Variants in KCNQ3 observed in about 807,000 individuals in gnomAD.
KCNQ3 encodes the protein potassium voltage-gated channel subfamily KQT member 3.
Under a neutral mutation model 92.5 loss-of-function variants are expected in KCNQ3, and 30 were observed. The observed-to-expected ratio is 0.32, with a 90% CI of 0.24 to 0.44. The LOEUF (loss-of-function observed/expected upper bound fraction) is 0.44. Ranked by LOEUF, KCNQ3 falls within the 20% of genes least tolerant of loss-of-function variation. The pLI is 1.00. For missense variants in KCNQ3, 913 were observed against 1,140.3 expected (o/e 0.80, Z 2.87); for synonymous variants, 450 against 468.8 (o/e 0.96, Z 0.52).
intron 1 of KCNQ3, among the ~76,000 whole-genome samples, chr8:132,432,808 G>C (rs1327917286): frequency 2.0e-5 from 3 of 152,156 alleles, no homozygotes; most frequent in African/African-American, 4.8e-5. Flanking sequence ...CAGAATAAAA[G>C]CTTCACGAGG....
chr8:132,235,112 C>T (rs1372928188), intron 1 of KCNQ3, among the ~76,000 whole-genome samples: 1 of 152,202 alleles, frequency 6.6e-6, no homozygotes, highest in African/African-American at 2.4e-5. Context: ...CAGATCCCAC[C>T]ATTCTCCTTA....
In KCNQ3 at chr8:132,129,808, G is replaced by T. The variant is rs753262441; in HGVS notation, c.2073C>A (p.Gly691=). 2.7e-5 allele frequency: 44 copies of T among 1,614,044 alleles called. No individual in the cohort carries two copies. Among genetic ancestry groups the T allele is most frequent in the Non-Finnish European group, 3.6e-5 (43 of 1,180,030 alleles). Residue 691 remains glycine (G), a synonymous_variant, in exon 15 of 15, where the codon GGC becomes GGA. Transcript: ENST00000388996. The surrounding 1 kb of genome is among the most constrained non-coding windows in gnomAD (Gnocchi z 5.9). ...KTIICNYSET[G]PPEPPYSFHQ... ...GGAAGCTGTAGGGTGGTTCCGGGGG[G>T]CCTGTCTCAGAATAGTTGCAGATGA...
intron 1 of KCNQ3, among the ~76,000 whole-genome samples, chr8:132,346,442 G>T (rs1392276520): frequency 6.6e-6 from 1 of 152,176 alleles, no homozygotes. Flanking sequence ...CAAAGGTCGG[G>T]ATGACTCAGC....
chr8:132,443,007 T>C (rs1396420604), intron 1 of KCNQ3, among the ~76,000 whole-genome samples: 1 of 152,172 alleles, frequency 6.6e-6, no homozygotes, highest in African/African-American at 2.4e-5. Context: ...GCTCAGGCCA[T>C]AAATCCTCAT....
At position 132,124,724 on chromosome 8, in the gene KCNQ3, GA is replaced by G. The variant is rs1455067060; in HGVS notation, c.*4537del. 6.6e-6 allele frequency: 1 copy of G among 152,176 alleles called. No homozygotes were observed. The highest frequency in any genetic ancestry group is 1.5e-5 in the Non-Finnish European group (1 of 68,018). The allele number at this position is 152,176 out of a possible 1,614,324, so 9.4% of individuals were successfully genotyped here. On this transcript the variant is annotated 3_prime_UTR_variant, in exon 15 of 15. Transcript: ENST00000388996. ...AACTTAGACTTTAAAAGTTCATCCT[GA>G]AAAACAAGCCTTCAAGGACAAGTGA... is the stretch of plus-strand genomic sequence containing the variant.
intron 1 of KCNQ3, among the ~76,000 whole-genome samples, chr8:132,282,300 G>T (rs1816545249): frequency 6.6e-6 from 1 of 152,138 alleles, no homozygotes; most frequent in African/African-American, 2.4e-5. Flanking sequence ...TCTCAAGTAG[G>T]TTAAAAAGAG....
intron 1 of KCNQ3, among the ~76,000 whole-genome samples, chr8:132,287,662 G>T (rs1816715954): frequency 6.6e-6 from 1 of 152,172 alleles, no homozygotes; most frequent in South Asian, 2.1e-4. Context: ...GGATCATTAT[G>T]CTAAGTGACA....
At chr8:132,174,762 G>A (rs1395025963) in intron 5 of KCNQ3, among the ~76,000 whole-genome samples, 1 of 152,132 alleles carries the variant, frequency 6.6e-6, no homozygotes, top group Admixed American at 6.5e-5. Flanking sequence ...GTATATTCTT[G>A]TGTGTGTTTA....
intron 1 of KCNQ3, among the ~76,000 whole-genome samples, chr8:132,422,756 T>C (rs879566306): frequency 2.0e-5 from 3 of 152,222 alleles, no homozygotes; most frequent in Non-Finnish European, 2.9e-5. Context: ...TCCATTTACT[T>C]GTCTGTCTGC....
intron 9 of KCNQ3, among the ~76,000 whole-genome samples, chr8:132,158,985 G>A (rs1309479229): frequency 6.6e-6 from 1 of 152,132 alleles, no homozygotes; most frequent in East Asian, 1.9e-4. Flanking sequence ...AGATTGAATT[G>A]GTAGAAAATA....
chr8:132,360,159 C>A (rs1638670922), intron 1 of KCNQ3, among the ~76,000 whole-genome samples: 1 of 152,190 alleles, frequency 6.6e-6, no homozygotes, highest in Non-Finnish European at 1.5e-5. Context: ...CTTGCCACAG[C>A]CTGCAAATCT....
At chr8:132,262,001 C>A (rs1463493701) in intron 1 of KCNQ3, among the ~76,000 whole-genome samples, 1 of 152,092 alleles carries the variant, frequency 6.6e-6, no homozygotes, top group Non-Finnish European at 1.5e-5. Flanking sequence ...GTGGTATGTC[C>A]ATATGATGAA....
intron 1 of KCNQ3, among the ~76,000 whole-genome samples, chr8:132,186,907 CGT>C (rs145871547): frequency 0.055 from 6,110 of 110,776 alleles, 245 homozygotes; most frequent in Non-Finnish European, 0.072. Flanking sequence ...CTGTGAGGTG[CGT>C]GTGTGTGTGT....
At chr8:132,297,317 A>G (rs916927912) in intron 1 of KCNQ3, among the ~76,000 whole-genome samples, 6 of 152,064 alleles carry the variant, frequency 3.9e-5, no homozygotes, top group African/African-American at 1.4e-4. Flanking sequence ...GTAGGTTGCG[A>G]AAATTTTCTC....
At chr8:132,220,003 ATTT>A (rs762199439) in intron 1 of KCNQ3, among the ~76,000 whole-genome samples, 4 of 152,126 alleles carry the variant, frequency 2.6e-5, no homozygotes, top group Non-Finnish European at 5.9e-5. Flanking sequence ...TTGATGATAT[ATTT>A]TTTTAATTCT....
chr8:132,236,580 C>T (rs1013759852), intron 1 of KCNQ3, among the ~76,000 whole-genome samples: 1 of 152,156 alleles, frequency 6.6e-6, no homozygotes, highest in Non-Finnish European at 1.5e-5. Context: ...TAAGTTATCT[C>T]TTTATAAACC....
intron 1 of KCNQ3, among the ~76,000 whole-genome samples, chr8:132,461,608 G>A (rs1822063787): frequency 6.6e-6 from 1 of 152,222 alleles, no homozygotes; most frequent in East Asian, 1.9e-4. Context: ...TGCCTTCCAG[G>A]GTGCCTGTAC....
chr8:132,280,061 G>A (rs549830645), intron 1 of KCNQ3, among the ~76,000 whole-genome samples: 1 of 152,274 alleles, frequency 6.6e-6, no homozygotes, highest in Admixed American at 6.5e-5. Context: ...TAACAGCAAT[G>A]AACAAGAAAA....
chr8:132,130,548 A>G (rs1824848771), intron 14 of KCNQ3, among the ~76,000 whole-genome samples: 1 of 152,198 alleles, frequency 6.6e-6, no homozygotes, highest in African/African-American at 2.4e-5. Flanking sequence ...CTAGGAAGCA[A>G]AGGCGGAAAG....
Sources: gnomAD v4.1 joint callset for allele counts (sites outside exome capture counted in the v4.1 genomes callset) on GRCh38, gnomAD v4.1.1 for gene constraint, Gnocchi (gnomAD v3.1) non-coding constraint, MANE v1.5 for transcripts, NCBI Gene and HGNC (gene_info 2026-07-23, HGNC 2026-07-21) for gene names.